The following NPHS1 variants were observed in gnomAD, a reference collection of about 807,000 sequenced individuals.
NPHS1 encodes nephrin.
Under a neutral mutation model 139.7 loss-of-function variants are expected in NPHS1, and 107 were observed. The observed-to-expected ratio is 0.77, with a 90% CI of 0.66 to 0.90. The LOEUF (loss-of-function observed/expected upper bound fraction) is 0.90, where lower values mean the gene tolerates loss of function less well. NPHS1 is among the 40% of genes least tolerant of loss of function. The pLI, the probability that NPHS1 is intolerant of heterozygous loss-of-function variation, is 0.00. For synonymous variants in NPHS1, 707 were observed against 706.6 expected (o/e 1.00, Z -0.01); for missense variants, 1,580 against 1,654.2 (o/e 0.96, Z 0.78).
chr19:35,837,956 A>T (rs895997836), intron 22 of NPHS1, among the ~76,000 whole-genome samples: 6 of 151,460 alleles, frequency 4.0e-5, no homozygotes, highest in African/African-American at 1.5e-4. Flanking sequence ...AAAAAAAAAA[A>T]AAAACGAAAA....
At position 35,852,327 on chromosome 19, in the gene NPHS1, A is replaced by C. The variant is rs1973292419; in HGVS notation, c.-490T>G. On this transcript the variant is annotated 5_prime_UTR_variant, in exon 1 of 29. It adds an upstream start codon to the 5' untranslated region. Coordinates refer to ENST00000378910, the MANE Select transcript of NPHS1 (RefSeq NM_004646.4). ...CTGTCTCTCTCTCTCTCTCTCTCTC[A>C]ATCTCTATCTTCTCTCCTGCCACCC... 6.9e-6 allele frequency among the ~76,000 whole-genome samples: 1 copy of C among 144,136 alleles called. No homozygotes were observed. The highest frequency in any genetic ancestry group is 2.2e-4 in the South Asian group (1 of 4,506). The allele number at this position is 144,136 out of a possible 152,430, so 94.6% of individuals were successfully genotyped here. A position where few individuals can be genotyped will look rare whatever the true frequency, so the allele number is the denominator to read the frequency against.
rs1973043770 is a variant in NPHS1 at position 35,840,745 on chromosome 19, G to T, written c.2815+970C>A. Among the ~76,000 whole-genome samples the T allele has an allele frequency of 2.7e-5, 4 of 149,646 alleles. No homozygotes were observed. The South Asian group carries it at 8.5e-4, about 32-fold the overall frequency. On this transcript the variant is annotated intron_variant, in intron 20 of 28. Transcript: ENST00000378910. The stretch of plus-strand genomic sequence containing the variant: ...GCTCTGTCGCCCAGGCTGGAGTGCG[G>T]TGGCGCGAACTCAGCTCACTGCAAC...
At chr19:35,848,940 C>T (rs368525671) in intron 8 of NPHS1, 36 bp downstream of exon 8, 41 of 1,611,194 alleles carry the variant, frequency 2.5e-5, no homozygotes, top group African/African-American at 1.6e-4. Context: ...CTCTGAGGCA[C>T]AGACCGACAG....
rs756579664 is a variant in NPHS1, at chr19:35,849,313, C to T, written c.763G>A (p.Val255Met). 10 of 1,612,978 alleles carry T rather than the reference C, an allele frequency of 6.2e-6. No homozygotes were observed. Among genetic ancestry groups the T allele is most frequent in the South Asian group, 1.1e-5 (1 of 91,036 alleles). Residue 255 changes from valine to methionine, a missense_variant, in exon 7 of 29, where the codon GTG (valine) becomes ATG (methionine). Physicochemically the swap from Val to Met is conservative, Grantham distance 21 (BLOSUM62 1). Transcript: ENST00000378910. ...IEWPGLDEGH[V>M]RAGQSLELPC... is the part of the protein sequence containing the mutation. ...AGCTCCAAGCTCTGTCCTGCCCGCA[C>T]GTGCCCCTCATCCAGGCCTGGCCAC...
chr19:35,838,395 A>C (rs1973006073), intron 22 of NPHS1, among the ~76,000 whole-genome samples: 3 of 151,690 alleles, frequency 2.0e-5, no homozygotes, highest in Admixed American at 6.6e-5. Context: ...TCTACTAAAA[A>C]TACTAAAATT....
At chr19:35,848,838 TCA>T in intron 8 of NPHS1, 44 bp from the exon 9 acceptor site, 1 of 1,613,542 alleles carries the variant, frequency 6.2e-7, no homozygotes, top group Non-Finnish European at 8.5e-7. Context: ...GCTGGATTTC[TCA>T]CAGACCAGCC....
intron 1 of NPHS1, 48 bp from the exon 2 acceptor site, chr19:35,851,720 G>A (rs1032415696): frequency 6.4e-7 from 1 of 1,574,070 alleles, no homozygotes; most frequent in Non-Finnish European, 8.6e-7. Context: ...TTTGTCTAGG[G>A]AAGGTAAGTG....
At chr19:35,826,675 T>C in intron 28 of NPHS1, 30 bp from the exon 29 acceptor site, 1 of 1,613,642 alleles carries the variant, frequency 6.2e-7, no homozygotes, top group Non-Finnish European at 8.5e-7. Context: ...GTTAGAACCA[T>C]GGAGAGATGC....
rs764715341 is a variant in NPHS1 at position 35,848,146 on chromosome 19, C to A, written c.1335G>T (p.Trp445Cys). 5 of 1,613,962 alleles carry A rather than the reference C, an allele frequency of 3.1e-6. No homozygotes were observed. Among genetic ancestry groups the A allele is most frequent in the Admixed American group, 1.7e-5 (1 of 60,002 alleles). The change falls in exon 11 of 29, where the codon TGG (tryptophan) becomes TGT (cysteine). Residue 445 changes from tryptophan to cysteine, a missense_variant. By Grantham distance (215) the Trp-to-Cys change is radical (BLOSUM62 -2). Transcript: ENST00000378910. ...LNVKYPAQKL[W>C]IEGPPEGQKL... ...TCTGGCCCTCTGGGGGACCCTCAAT[C>A]CACAGTTTCTGGGCGGGATCTGGCG...
intron 20 of NPHS1, among the ~76,000 whole-genome samples, chr19:35,840,387 T>C (rs544132358): frequency 1.3e-5 from 2 of 150,854 alleles, no homozygotes; most frequent in African/African-American, 4.9e-5. Flanking sequence ...CAGGCTGGAG[T>C]GCAGTGGTGC....
At chr19:35,844,867 A>T (rs1237774149) in intron 14 of NPHS1, among the ~76,000 whole-genome samples, 11 of 152,156 alleles carry the variant, frequency 7.2e-5, no homozygotes, top group African/African-American at 2.7e-4. Flanking sequence ...GCTCACGCCT[A>T]TAATCCCAGC....
chr19:35,845,993 A>T lies in NPHS1; in HGVS notation c.1627+15T>A, dbSNP rs746959469. 2.0e-5 allele frequency: 29 copies of T among 1,455,702 alleles called. No homozygotes were observed. Among genetic ancestry groups the T allele is most frequent in the Non-Finnish European group, 2.4e-5 (26 of 1,083,498 alleles). 90.2% of individuals were successfully genotyped at this position (1,455,702 alleles called of 1,614,324 possible). A position where few individuals can be genotyped will look rare whatever the true frequency, so the allele number is the denominator to read the frequency against. On this transcript the variant is annotated intron_variant, in intron 12 of 28. Coordinates refer to ENST00000378910, the MANE Select transcript of NPHS1 (RefSeq NM_004646.4). The surrounding 1 kb of genome is among the most constrained non-coding windows in gnomAD (Gnocchi z 5.5). ...TCCCGCCCCGCCCCCGGGCCTCAGCAGTGCGAGCCCTCACACTGCACCGCC... is the reference window on the plus strand; with the variant it reads ...TCCCGCCCCGCCCCCGGGCCTCAGCTGTGCGAGCCCTCACACTGCACCGCC...
At chr19:35,843,715 G>T in intron 16 of NPHS1, 122 bp from the exon 17 acceptor site, 1 of 1,262,624 alleles carries the variant, frequency 7.9e-7, no homozygotes, top group East Asian at 2.4e-5. Context: ...GACACAATCT[G>T]CCCTTAATAC....
At chr19:35,836,614 G>T (rs1972965475) in intron 22 of NPHS1, among the ~76,000 whole-genome samples, 1 of 152,060 alleles carries the variant, frequency 6.6e-6, no homozygotes, top group South Asian at 2.1e-4. Context: ...GGGGTGGGGG[G>T]AAGAGCAGAG....
chr19:35,831,809 A>G lies in NPHS1; in HGVS notation c.3167-47T>C, dbSNP rs754778389. The G allele has an allele frequency of 2.6e-6, 4 of 1,545,370 alleles. No homozygotes were observed. The East Asian group carries it at 9.8e-5, about 38-fold the overall frequency. ...CAGTGAATCCCAGACAACAGGCTGT[A>G]GGCCAGGGGTGGGTCTCCCCGAGAA... On this transcript the variant is annotated intron_variant, in intron 23 of 28. Transcript: ENST00000378910.
chr19:35,841,486 G>A (rs1973054828), intron 20 of NPHS1, among the ~76,000 whole-genome samples: 1 of 152,126 alleles, frequency 6.6e-6, no homozygotes, highest in Non-Finnish European at 1.5e-5. Flanking sequence ...GAGCTAACAA[G>A]TACCCCCTCT....
At position 35,851,402 on chromosome 19, in the gene NPHS1, A is replaced by T. The variant is rs758685503; in HGVS notation, c.275-18T>A. The T allele has an allele frequency of 6.2e-7, 1 of 1,612,886 alleles. No homozygotes were observed. The highest frequency in any genetic ancestry group is 2.2e-5 in the East Asian group (1 of 44,836). The stretch of plus-strand genomic sequence containing the variant: ...GAATTCACCTGCAGGGGGAGCCGGA[A>T]GTCAGGGCCGCAGCTTCCGCTGGTG... On this transcript the variant is annotated intron_variant, in intron 2 of 28. Coordinates refer to ENST00000378910, the MANE Select transcript of NPHS1 (RefSeq NM_004646.4).
rs1349037457 is a variant in NPHS1, at chr19:35,836,272, T to C, written c.3110-511A>G. On this transcript the variant is annotated intron_variant, in intron 22 of 28. Coordinates refer to ENST00000378910, the MANE Select transcript of NPHS1 (RefSeq NM_004646.4). ...CTGCGCCTGGCCATTTTTTTTTTTT[T>C]AAAGAGACAGGGTCTCACTCTGTCG... Among the ~76,000 whole-genome samples the C allele has an allele frequency of 4.0e-5, 6 of 148,642 alleles. No homozygotes were observed. The East Asian group carries it at 1.2e-3, about 31-fold the overall frequency.
chr19:35,833,276 C>G (rs1599836773), intron 23 of NPHS1, among the ~76,000 whole-genome samples: 1 of 152,198 alleles, frequency 6.6e-6, no homozygotes, highest in African/African-American at 2.4e-5. Flanking sequence ...CAAGGCTGAA[C>G]CCCTCTAAGT....
Sources: allele counts gnomAD v4.1 joint callset (sites outside exome capture counted in the v4.1 genomes callset), GRCh38; gene constraint gnomAD v4.1.1; non-coding constraint Gnocchi (gnomAD v3.1); transcripts MANE v1.5; gene names NCBI Gene and HGNC (gene_info 2026-07-23, HGNC 2026-07-21).